The following RUFY4 variants were observed in gnomAD, a reference collection of about 807,000 sequenced individuals.
RUFY4 encodes the protein RUN and FYVE domain containing 4.
Under a neutral mutation model 69.0 loss-of-function variants are expected in RUFY4, and 73 were observed. That is an observed-to-expected ratio of 1.06 (90% CI 0.88 to 1.29). The LOEUF (loss-of-function observed/expected upper bound fraction) is 1.29, where lower values mean the gene tolerates loss of function less well. RUFY4 is among the 50% of genes most tolerant of loss of function. The probability of loss-of-function intolerance (pLI) is 0.00; values close to 1 mark genes in which losing one functional copy is unlikely to be tolerated. For missense variants in RUFY4, 770 were observed against 705.6 expected, an observed-to-expected ratio of 1.09 and a Z score of -1.03; for synonymous variants, 287 against 271.8, an observed-to-expected ratio of 1.06 and a Z score of -0.55.
chr2:218,060,268 G>A, intron 3 of RUFY4: 2 of 1,381,510 alleles, frequency 1.4e-6, no homozygotes, highest in East Asian at 4.6e-5. Flanking sequence ...AGAGCTAGTG[G>A]ACATGAGGCT....
intron 2 of RUFY4, among the ~76,000 whole-genome samples, chr2:218,050,460 T>C (rs1432744895): frequency 6.6e-6 from 1 of 152,094 alleles, no homozygotes; most frequent in Non-Finnish European, 1.5e-5. Flanking sequence ...AAAAGAGCTG[T>C]GACACTCCTG....
chr2:218,073,297 C>T, exon 5 of RUFY4: 1 of 1,558,378 alleles, frequency 6.4e-7, no homozygotes, highest in Non-Finnish European at 8.7e-7. Flanking sequence ...AAGAAGACAT[C>T]CTGGACTCTC....
chr2:218,047,440 C>A (rs1052924436), intron 2 of RUFY4, among the ~76,000 whole-genome samples: 2 of 151,710 alleles, frequency 1.3e-5, no homozygotes, highest in Non-Finnish European at 2.9e-5. Flanking sequence ...TTTTTTATTC[C>A]GGATCAATAA....
chr2:218,090,003 A>G, exon 11 of RUFY4: 1 of 1,568,578 alleles, frequency 6.4e-7, no homozygotes, highest in South Asian at 1.2e-5. Flanking sequence ...ACAAGAAGAG[A>G]GACCGCTGCT....
At chr2:218,076,344 G>T in intron 7 of RUFY4, 83 bp from the exon 10 acceptor site, 1 of 1,495,912 alleles carries the variant, frequency 6.7e-7, no homozygotes, top group Admixed American at 2.3e-5. Flanking sequence ...GGGGTCTCTC[G>T]GGAATGTTGT....
intron 3 of RUFY4, chr2:218,060,066 ACTTC>A: frequency 8.0e-6 from 2 of 251,218 alleles, no homozygotes; most frequent in Admixed American, 5.4e-5. Context: ...GTAGATTTTC[ACTTC>A]TTAGAACATA....
At position 218,037,604 on chromosome 2, in the gene RUFY4, T is replaced by C. The variant is rs144670711; in HGVS notation, c.-1158+2210T>C. On this transcript the variant is annotated intron_variant and NMD_transcript_variant, in intron 2 of 13. Transcript: ENST00000457754. The stretch of plus-strand genomic sequence containing the variant: ...TTGATAGGAAATCTCAAATTGGATT[T>C]TTTAAAACCTCTTGAGGCTAGAAAG... 5.4e-3 allele frequency among the ~76,000 whole-genome samples: 825 copies of C among 152,334 alleles called. 10 individuals are homozygous for C. Among genetic ancestry groups the C allele is most frequent in the Admixed American group, 0.025 (381 of 15,304 alleles).
Position 218,075,425 on chromosome 2 carries a change from G to C in RUFY4, c.933G>C (p.Gly311=), listed in dbSNP as rs541082219. Residue 311 remains glycine, a synonymous_variant, in exon 7 of 11, where the codon GGG becomes GGC. Coordinates refer to ENST00000344321, the Ensembl canonical transcript of RUFY4. The stretch of plus-strand genomic sequence containing the variant: ...TGGGCACTCAGAAGGAGGTGATAGG[G>C]ATGGAGGCTGAGGTCACAGGGGTTC... The C allele has an allele frequency of 7.4e-6, 12 of 1,612,496 alleles. No individual in the cohort carries two copies. The South Asian group carries it at 1.3e-4, about 18-fold the overall frequency.
chr2:218,070,904 G>C, intron 2 of RUFY4, 45 bp downstream of exon 4: 1 of 1,424,342 alleles, frequency 7.0e-7, no homozygotes, highest in Non-Finnish European at 9.4e-7. Flanking sequence ...CCCAGACCCA[G>C]ATAACTGGTG....
chr2:218,054,093 T>C (rs1028330700), intron 2 of RUFY4, among the ~76,000 whole-genome samples: 7 of 152,238 alleles, frequency 4.6e-5, no homozygotes, highest in Non-Finnish European at 8.8e-5. Context: ...CTGTTTGCAA[T>C]ACAAATGACA....
chr2:218,059,230 C>G (rs927812892), intron 3 of RUFY4: 1 of 152,218 alleles, frequency 6.6e-6, no homozygotes. Context: ...GCAAAAGTAC[C>G]TTTGGGGGCC....
chr2:218,089,912 T>A, intron 10 of RUFY4, 40 bp from the exon 13 acceptor site: 1 of 1,450,816 alleles, frequency 6.9e-7, no homozygotes, highest in Non-Finnish European at 9.5e-7. Context: ...AAGTGCCAGC[T>A]GCAGAGGCCG....
chr2:218,082,809 C>T (rs1186314330), intron 8 of RUFY4, among the ~76,000 whole-genome samples: 3 of 145,740 alleles, frequency 2.1e-5, no homozygotes, highest in Admixed American at 6.9e-5. Context: ...TGAGATGTGT[C>T]GTGTGTTGTG....
intron 2 of RUFY4, among the ~76,000 whole-genome samples, chr2:218,045,402 C>CA (rs1688803942): frequency 6.6e-6 from 1 of 151,996 alleles, no homozygotes; most frequent in South Asian, 2.1e-4. Flanking sequence ...ATCCTGGAAC[C>CA]ATCAGGTAGG....
intron 3 of RUFY4, chr2:218,060,894 A>G: frequency 8.8e-7 from 1 of 1,131,614 alleles, no homozygotes; most frequent in African/African-American, 1.6e-5. Context: ...GCGTAGGGAC[A>G]GTAACAGGAA....
chr2:218,053,646 A>G (rs1423283835), intron 2 of RUFY4, among the ~76,000 whole-genome samples: 6 of 152,140 alleles, frequency 3.9e-5, no homozygotes, highest in African/African-American at 1.4e-4. Context: ...GGTAACTGGG[A>G]CTACAGGCGT....
chr2:218,051,498 G>A (rs1189745447), intron 2 of RUFY4, among the ~76,000 whole-genome samples: 1 of 150,718 alleles, frequency 6.6e-6, no homozygotes, highest in Non-Finnish European at 1.5e-5. Context: ...AATATTAAGT[G>A]GTTTCCATAA....
At chr2:218,041,421 A>G (rs1157459648) in intron 2 of RUFY4, among the ~76,000 whole-genome samples, 2 of 152,220 alleles carry the variant, frequency 1.3e-5, no homozygotes, top group African/African-American at 4.8e-5. Flanking sequence ...CCATGAGCAT[A>G]GTATCTTTCT....
intron 2 of RUFY4, among the ~76,000 whole-genome samples, chr2:218,044,074 G>A (rs1439069279): frequency 6.6e-6 from 1 of 152,206 alleles, no homozygotes; most frequent in African/African-American, 2.4e-5. Flanking sequence ...CAGGCAGCAG[G>A]AGCAGGCCCT....
Sources: allele counts gnomAD v4.1 joint callset (sites outside exome capture counted in the v4.1 genomes callset), GRCh38; gene constraint gnomAD v4.1.1; transcripts MANE v1.5; gene names NCBI Gene and HGNC (gene_info 2026-07-23, HGNC 2026-07-21).